The following GRID1 variants were observed in gnomAD, a reference collection of about 807,000 sequenced individuals.
GRID1 encodes glutamate receptor ionotropic, delta-1.
Under a neutral mutation model 98.0 loss-of-function variants are expected in GRID1, and 28 were observed. That is an observed-to-expected ratio of 0.29 (90% CI 0.21 to 0.39). GRID1 has a LOEUF of 0.39. Ranked by LOEUF, GRID1 falls within the 10% of genes least tolerant of loss-of-function variation. GRID1 has a pLI of 1.00. For missense variants in GRID1, 1,111 were observed against 1,340.5 expected (o/e 0.83, Z 2.67); for synonymous variants, 553 against 538.5 (o/e 1.03, Z -0.37).
chr10:86,168,654 A>G (rs1845435907), intron 3 of GRID1, among the ~76,000 whole-genome samples: 1 of 152,228 alleles, frequency 6.6e-6, no homozygotes, highest in Non-Finnish European at 1.5e-5. Context: ...CAGCAAGCCC[A>G]GGGCAGAGCG....
At chr10:85,654,093 A>C (rs1231407317) in intron 12 of GRID1, among the ~76,000 whole-genome samples, 2 of 152,200 alleles carry the variant, frequency 1.3e-5, no homozygotes. Context: ...TGAGGGTTGC[A>C]GAGCCCACAG....
At chr10:86,120,464 A>G (rs184976097) in intron 4 of GRID1, among the ~76,000 whole-genome samples, 6 of 152,372 alleles carry the variant, frequency 3.9e-5, no homozygotes, top group Admixed American at 2.0e-4. Flanking sequence ...CTAAGGACAG[A>G]CAAGTGCTCT....
intron 12 of GRID1, among the ~76,000 whole-genome samples, chr10:85,681,669 G>A (rs921561594): frequency 3.6e-4 from 55 of 152,106 alleles, no homozygotes; most frequent in African/African-American, 1.3e-3. Flanking sequence ...CCGCAGCTGA[G>A]GGTAATTATT....
intron 3 of GRID1, among the ~76,000 whole-genome samples, chr10:86,167,034 C>T (rs897798108): frequency 6.6e-6 from 1 of 152,238 alleles, no homozygotes; most frequent in East Asian, 1.9e-4. Context: ...CCCACCCAGC[C>T]CAGAAAAGAC....
intron 4 of GRID1, among the ~76,000 whole-genome samples, chr10:86,126,210 C>T (rs1844750342): frequency 6.6e-6 from 1 of 152,058 alleles, no homozygotes; most frequent in Non-Finnish European, 1.5e-5. Flanking sequence ...AATCCCAGCA[C>T]TTTGGGAGGC....
chr10:86,332,205 A>C lies in GRID1; in HGVS notation c.235+31736T>G, dbSNP rs1255996690. 2.6e-5 allele frequency among the ~76,000 whole-genome samples: 4 copies of C among 152,124 alleles called. No homozygotes were observed. The South Asian group carries it at 8.3e-4, about 32-fold the overall frequency. On this transcript the variant is annotated intron_variant, in intron 2 of 15. Coordinates refer to ENST00000327946, the MANE Select transcript of GRID1 (RefSeq NM_017551.3). ...ACCCCCATGGCTGGATTGGCTTCCTAACAGCCCCTCCTTGACCCCTCCAGA... is the reference window on the plus strand; with the variant it reads ...ACCCCCATGGCTGGATTGGCTTCCTCACAGCCCCTCCTTGACCCCTCCAGA...
chr10:86,258,286 T>C (rs1329331765), intron 2 of GRID1, among the ~76,000 whole-genome samples: 1 of 152,102 alleles, frequency 6.6e-6, no homozygotes, highest in Admixed American at 6.6e-5. Context: ...CAAAACAAAA[T>C]TAATATCTGT....
chr10:85,735,450 T>C (rs1841869424), intron 8 of GRID1, among the ~76,000 whole-genome samples: 1 of 152,164 alleles, frequency 6.6e-6, no homozygotes, highest in Non-Finnish European at 1.5e-5. Flanking sequence ...AATTGGAGAA[T>C]ATATTTCACA....
chr10:85,748,803 T>C (rs1842021216), intron 8 of GRID1, among the ~76,000 whole-genome samples: 1 of 152,066 alleles, frequency 6.6e-6, no homozygotes. Flanking sequence ...CAACTCAGAG[T>C]CAAAAATTTC....
Position 85,602,081 on chromosome 10 carries a change from T to C in GRID1, c.*192A>G. 2.2e-6 allele frequency: 1 copy of C among 444,806 alleles called. No individual in the cohort carries two copies. The highest frequency in any genetic ancestry group is 3.9e-6 in the Non-Finnish European group (1 of 253,418). 27.6% of individuals were successfully genotyped at this position (444,806 alleles called of 1,614,324 possible). A position where few individuals can be genotyped will look rare whatever the true frequency, so the allele number is the denominator to read the frequency against. On this transcript the variant is annotated 3_prime_UTR_variant, in exon 16 of 16. Coordinates refer to ENST00000327946, the MANE Select transcript of GRID1 (RefSeq NM_017551.3). ...GTGTTTTTTTACTGACTTCGAAAAT[T>C]GGGAATATTCAAAATACACTTTTAC...
At chr10:85,855,057 C>A (rs12783090) in intron 7 of GRID1, among the ~76,000 whole-genome samples, 8,528 of 152,298 alleles carry the variant, frequency 0.056, 319 homozygotes, top group Non-Finnish European at 0.08. Context: ...TGCAGGGCAG[C>A]AAACATGTGC....
intron 12 of GRID1, among the ~76,000 whole-genome samples, chr10:85,663,492 T>C (rs1288366142): frequency 1.3e-5 from 2 of 152,180 alleles, no homozygotes; most frequent in African/African-American, 4.8e-5. Flanking sequence ...TGTGAGACAA[T>C]AAATGTTGTC....
At chr10:85,709,902 C>G (rs1403451211) in intron 12 of GRID1, among the ~76,000 whole-genome samples, 2 of 151,506 alleles carry the variant, frequency 1.3e-5, no homozygotes, top group Admixed American at 6.6e-5. Flanking sequence ...ACCCAAATGT[C>G]AAATACAAAT....
At chr10:85,749,944 CTT>C (rs1328630537) in intron 8 of GRID1, among the ~76,000 whole-genome samples, 1 of 152,146 alleles carries the variant, frequency 6.6e-6, no homozygotes, top group Non-Finnish European at 1.5e-5. Context: ...AATGATCCAA[CTT>C]ATTTTATTAT....
Position 86,366,447 on chromosome 10 carries a change from G to A in GRID1, c.-55C>T. On this transcript the variant is annotated 5_prime_UTR_variant, in exon 1 of 16. Transcript: ENST00000327946. The surrounding 1 kb of genome is among the most constrained non-coding windows in gnomAD (Gnocchi z 4.1). ...GGCCCGGGGCGAGGCCGAGGGCAGCGCGAAGCGGGGAGGCGCTGGTCCCGG... is the reference window on the plus strand; with the variant it reads ...GGCCCGGGGCGAGGCCGAGGGCAGCACGAAGCGGGGAGGCGCTGGTCCCGG... 1 of 1,308,384 alleles carries A rather than the reference G, an allele frequency of 7.6e-7. No individual in the cohort carries two copies. Among genetic ancestry groups the A allele is most frequent in the Non-Finnish European group, 1.0e-6 (1 of 974,320 alleles). 81.0% of individuals were successfully genotyped at this position (1,308,384 alleles called of 1,614,324 possible).
chr10:85,911,221 C>T (rs1188433445), intron 5 of GRID1, among the ~76,000 whole-genome samples: 1 of 152,108 alleles, frequency 6.6e-6, no homozygotes, highest in African/African-American at 2.4e-5. Context: ...AGGAGCCAAC[C>T]AGAAGGATGG....
chr10:86,269,513 A>C (rs566770835), intron 2 of GRID1, among the ~76,000 whole-genome samples: 1 of 152,166 alleles, frequency 6.6e-6, no homozygotes, highest in East Asian at 1.9e-4. Context: ...ACCCCTGCTA[A>C]TTAGGAGTTC....
At chr10:85,832,553 G>A (rs1038599731) in intron 8 of GRID1, among the ~76,000 whole-genome samples, 6 of 152,124 alleles carry the variant, frequency 3.9e-5, no homozygotes, top group African/African-American at 1.4e-4. Context: ...AGAAGATGAT[G>A]TAGACTCATT....
At position 86,356,244 on chromosome 10, in the gene GRID1, A is replaced by G. The variant is rs369244546; in HGVS notation, c.235+7697T>C. Among the ~76,000 whole-genome samples the G allele has an allele frequency of 2.3e-4, 35 of 152,338 alleles. 1 individual carries two copies. The South Asian group carries it at 5.6e-3, about 24-fold the overall frequency. On this transcript the variant is annotated intron_variant, in intron 2 of 15. Transcript: ENST00000327946. ...TCGCTGAGTACACAGTGGGGTATCA[A>G]TGGGAGCCACAGATTCTGCCCAACT...
Sources: gnomAD v4.1 joint callset for allele counts (sites outside exome capture counted in the v4.1 genomes callset) on GRCh38, gnomAD v4.1.1 for gene constraint, Gnocchi (gnomAD v3.1) non-coding constraint, MANE v1.5 for transcripts, NCBI Gene and HGNC (gene_info 2026-07-23, HGNC 2026-07-21) for gene names.